The following TRAK1 variants were observed in gnomAD, a reference collection of about 807,000 sequenced individuals.
TRAK1 encodes trafficking kinesin-binding protein 1.
A neutral mutation model predicts 92.1 loss-of-function variants in TRAK1; 33 were observed. The observed-to-expected ratio is 0.36, with a 90% CI of 0.27 to 0.48. TRAK1 has a LOEUF of 0.48. Ranked by LOEUF, TRAK1 falls within the 20% of genes least tolerant of loss-of-function variation. TRAK1 has a pLI of 0.99. For synonymous variants in TRAK1, 521 were observed against 517.3 expected (o/e 1.01, Z -0.10); for missense variants, 1,123 against 1,257.9 (o/e 0.89, Z 1.62).
intron 1 of TRAK1, among the ~76,000 whole-genome samples, chr3:42,099,583 C>G (rs1048190349): frequency 6.6e-6 from 1 of 152,202 alleles, no homozygotes; most frequent in African/African-American, 2.4e-5. Flanking sequence ...AGGGGCCCCT[C>G]CTTCAAACCC....
upstream of TRAK1, among the ~76,000 whole-genome samples, chr3:42,090,894 C>T (rs55751306): frequency 4.7e-4 from 72 of 152,276 alleles, no homozygotes; most frequent in Non-Finnish European, 7.4e-4. Flanking sequence ...AAGGGATGGG[C>T]TGTCAGGTGA....
At chr3:42,059,378 C>T (rs1703333710) in intron 1 of TRAK1, among the ~76,000 whole-genome samples, 1 of 152,202 alleles carries the variant, frequency 6.6e-6, no homozygotes, top group Non-Finnish European at 1.5e-5. Flanking sequence ...TCCCTGCTCT[C>T]CACTCCAGGA....
intron 1 of TRAK1, chr3:42,051,415 T>G (rs902656682): frequency 6.6e-6 from 1 of 152,274 alleles, no homozygotes; most frequent in African/African-American, 2.4e-5. Context: ...GCGTTTCCTT[T>G]GATAATTCAG....
At position 42,200,987 on chromosome 3, in the gene TRAK1, A is replaced by G. The variant is rs1266045699; in HGVS notation, c.1360A>G (p.Ile454Val). 4 of 1,614,214 alleles carry G rather than the reference A, an allele frequency of 2.5e-6. No individual in the cohort carries two copies. Among genetic ancestry groups the G allele is most frequent in the East Asian group, 2.2e-5 (1 of 44,872 alleles). The change falls in exon 12 of 16, where the codon ATA becomes GTA. Residue 454 changes from isoleucine to valine, a missense_variant. Ile to Val is a conservative substitution (Grantham distance 29). Around this residue, in one of 3 missense-constraint regions of TRAK1, gnomAD observed 686 missense variants for 747.6 expected, o/e 0.92. Transcript: ENST00000327628. ...TPRSSFYGSDIGNVVLDNKTN... is the reference protein window; with the variant it reads ...TPRSSFYGSDVGNVVLDNKTN... ...CCGGTCCAGCTTCTACGGCAGCGAC[A>G]TAGGCAACGTCGTCCTCGACAACAA...
chr3:42,212,927 G>A (rs1056419232), intron 14 of TRAK1, among the ~76,000 whole-genome samples: 3 of 152,150 alleles, frequency 2.0e-5, no homozygotes, highest in Admixed American at 6.5e-5. Context: ...TTATTTTAAT[G>A]CTTTTACTCA....
At chr3:42,084,718 G>C (rs1372985999), upstream of TRAK1, among the ~76,000 whole-genome samples, 1 of 152,034 alleles carries the variant, frequency 6.6e-6, no homozygotes, top group Non-Finnish European at 1.5e-5. Context: ...GGTTCTTCTT[G>C]AGGATTATAG....
chr3:42,137,788 G>A (rs977436511), intron 2 of TRAK1, among the ~76,000 whole-genome samples: 1 of 152,132 alleles, frequency 6.6e-6, no homozygotes, highest in Non-Finnish European at 1.5e-5. Context: ...AAAGTGGTTG[G>A]AGACCCACCA....
At chr3:42,185,224 C>T (rs751942825) in intron 4 of TRAK1, among the ~76,000 whole-genome samples, 1 of 152,110 alleles carries the variant, frequency 6.6e-6, no homozygotes, top group Non-Finnish European at 1.5e-5. Context: ...TCAGGCTGGG[C>T]GTGGGCAGCT....
intron 1 of TRAK1, among the ~76,000 whole-genome samples, chr3:42,026,297 A>C (rs1326434679): frequency 6.6e-6 from 1 of 152,120 alleles, no homozygotes; most frequent in Non-Finnish European, 1.5e-5. Flanking sequence ...ATACTAGAGA[A>C]TTTTTTTGAC....
intron 1 of TRAK1, among the ~76,000 whole-genome samples, chr3:42,029,325 A>C (rs1405797461): frequency 1.3e-5 from 2 of 152,084 alleles, no homozygotes; most frequent in Non-Finnish European, 2.9e-5. Context: ...GGGAGCATCA[A>C]CCTTCTGGGC....
chr3:42,133,369 T>C (rs1697468891), intron 2 of TRAK1, among the ~76,000 whole-genome samples: 2 of 152,164 alleles, frequency 1.3e-5, no homozygotes, highest in African/African-American at 4.8e-5. Context: ...TCCTTTTCTT[T>C]TTTTGTTTTG....
In TRAK1 at chr3:42,184,740, A is replaced by G. The variant is rs751058185; in HGVS notation, c.419A>G (p.Asn140Ser). The G allele has an allele frequency of 4.3e-6, 7 of 1,614,198 alleles. No individual in the cohort carries two copies. Among genetic ancestry groups the G allele is most frequent in the Non-Finnish European group, 5.9e-6 (7 of 1,180,042 alleles). ...ARIGQSLLKK[N>S]KTLTERNELL... The stretch of plus-strand genomic sequence containing the variant: ...ATCGGCCAGTCGTTGTTGAAGAAGA[A>G]CAAGACCCTAACCGAGAGGAACGAG... Residue 140 changes from asparagine (N) to serine (S), a missense_variant, in exon 4 of 16, where the codon AAC (asparagine) becomes AGC (serine). Asn to Ser is a conservative substitution (Grantham distance 46). Transcript: ENST00000327628.
chr3:42,083,027 A>G (rs1255001771), upstream of TRAK1, among the ~76,000 whole-genome samples: 1 of 152,208 alleles, frequency 6.6e-6, no homozygotes, highest in Non-Finnish European at 1.5e-5. Flanking sequence ...ACTGTGCCAT[A>G]CATCTTTGAC....
At chr3:42,068,676 G>C (rs1664497396) in intron 1 of TRAK1, among the ~76,000 whole-genome samples, 4 of 152,124 alleles carry the variant, frequency 2.6e-5, no homozygotes, top group Admixed American at 2.6e-4. Flanking sequence ...TCTGTTTGTA[G>C]GACAATACCT....
chr3:42,152,047 C>A (rs1398512732), intron 2 of TRAK1, among the ~76,000 whole-genome samples: 3 of 152,168 alleles, frequency 2.0e-5, no homozygotes, highest in African/African-American at 4.8e-5. Flanking sequence ...CCAATTAGGA[C>A]CCCTCTTTTG....
In TRAK1 at chr3:42,184,918, C is replaced by T. The variant is rs938135132; in HGVS notation, c.480+117C>T. On this transcript the variant is annotated intron_variant, in intron 4 of 15. Coordinates refer to ENST00000327628, the MANE Select transcript of TRAK1 (RefSeq NM_001042646.3). ...AGTTGGAAGGACGCTCCCGAGGGCA[C>T]GACCGCGGCCTGAGCCCAGAACTGT... 7.2e-6 allele frequency: 7 copies of T among 972,936 alleles called. No individual in the cohort carries two copies. The Admixed American group carries it at 1.1e-4, about 15-fold the overall frequency. The allele number at this position is 972,936 out of a possible 1,614,324, so 60.3% of individuals were successfully genotyped here.
intron 2 of TRAK1, among the ~76,000 whole-genome samples, chr3:42,150,390 C>G (rs1001239494): frequency 3.9e-5 from 6 of 152,092 alleles, no homozygotes; most frequent in African/African-American, 7.2e-5. Flanking sequence ...TGTTGGACAT[C>G]AAAATTGTGT....
In TRAK1 at chr3:42,202,760, C is replaced by T. The variant is rs779468379; in HGVS notation, c.1744+8C>T. The T allele has an allele frequency of 3.7e-6, 6 of 1,613,274 alleles. No individual in the cohort carries two copies. The highest frequency in any genetic ancestry group is 2.7e-5 in the African/African-American group (2 of 75,064). On this transcript the variant is annotated splice_region_variant and intron_variant, in intron 13 of 15. Transcript: ENST00000327628. The surrounding 1 kb of genome is among the most constrained non-coding windows in gnomAD (Gnocchi z 6.1). Reference sequence around the variant, plus strand: ...TCGTGAAGCCGCTGGAAGGTGATCACGCGGGGCCTCGGCCCCTCTCTGTCC... The same window carrying T: ...TCGTGAAGCCGCTGGAAGGTGATCATGCGGGGCCTCGGCCCCTCTCTGTCC...
Position 42,210,085 on chromosome 3 carries a change from CGGA to C in TRAK1, c.1963+130_1963+132del, listed in dbSNP as rs10634555. On this transcript the variant is annotated intron_variant, in intron 14 of 15. Coordinates refer to ENST00000327628, the MANE Select transcript of TRAK1 (RefSeq NM_001042646.3). ...GAGATGCAGGAGCCGCCAGCGGCCACGGAGGAGGAGGAGGAGGAGGAGGAGGAG... is the reference window on the plus strand; with the variant it reads ...GAGATGCAGGAGCCGCCAGCGGCCACGGAGGAGGAGGAGGAGGAGGAGGAG... 294,342 of 1,557,514 alleles carry C rather than the reference CGGA, an allele frequency of 0.19. 11,025 individuals carry two copies. The highest frequency in any genetic ancestry group is 0.2 in the Non-Finnish European group (230,516 of 1,145,644).
Sources: gnomAD v4.1 joint callset for allele counts (sites outside exome capture counted in the v4.1 genomes callset) on GRCh38, gnomAD v4.1.1 for gene constraint, gnomAD v4.1.1 regional missense constraint, Gnocchi (gnomAD v3.1) non-coding constraint, MANE v1.5 for transcripts, NCBI Gene and HGNC (gene_info 2026-07-23, HGNC 2026-07-21) for gene names.